OPCML: variants seen among roughly 807,000 people sequenced by gnomAD.
OPCML encodes opioid binding protein/cell adhesion molecule like.
OPCML carries 13 observed loss-of-function variants against 37.8 expected under a neutral mutation model. The observed-to-expected ratio is 0.34, with a 90% CI of 0.22 to 0.55. The LOEUF is 0.55. Ranked by LOEUF, OPCML falls within the 20% of genes least tolerant of loss-of-function variation. OPCML has a pLI of 0.91. For missense variants in OPCML, 341 were observed against 435.6 expected (o/e 0.78, Z 1.93); for synonymous variants, 176 against 168.8 (o/e 1.04, Z -0.33).
At chr11:133,083,702 C>T (rs1371811999) in intron 1 of OPCML, among the ~76,000 whole-genome samples, 6 of 152,202 alleles carry the variant, frequency 3.9e-5, no homozygotes, top group African/African-American at 1.4e-4. Context: ...CACGGCCTCG[C>T]CACTGGGGAG....
chr11:132,918,604 A>T (rs1228224121), intron 2 of OPCML, among the ~76,000 whole-genome samples: 1 of 152,164 alleles, frequency 6.6e-6, no homozygotes, highest in Non-Finnish European at 1.5e-5. Flanking sequence ...TGATATCTCC[A>T]ATAATTTTTT....
At chr11:132,491,813 A>C (rs2096216684) in intron 4 of OPCML, among the ~76,000 whole-genome samples, 1 of 152,178 alleles carries the variant, frequency 6.6e-6, no homozygotes, top group South Asian at 2.1e-4. Flanking sequence ...CAAATGAAGG[A>C]ATCATATGCT....
chr11:133,321,699 A>T (rs555428041), intron 1 of OPCML, among the ~76,000 whole-genome samples: 35 of 152,300 alleles, frequency 2.3e-4, no homozygotes, highest in African/African-American at 7.7e-4. Flanking sequence ...TTATTACTTC[A>T]TATTAATGCA....
intron 2 of OPCML, among the ~76,000 whole-genome samples, chr11:132,724,457 A>G (rs1944797333): frequency 6.6e-6 from 1 of 152,134 alleles, no homozygotes; most frequent in African/African-American, 2.4e-5. Context: ...CCATGATTCA[A>G]TTACCTCCCA....
intron 1 of OPCML, among the ~76,000 whole-genome samples, chr11:133,098,618 A>G (rs2137067230): frequency 6.6e-6 from 1 of 152,326 alleles, no homozygotes; most frequent in South Asian, 2.1e-4. Context: ...TACAAAATCC[A>G]ACACCCATTC....
At chr11:133,377,907 T>C (rs764708461) in intron 1 of OPCML, among the ~76,000 whole-genome samples, 1 of 152,328 alleles carries the variant, frequency 6.6e-6, no homozygotes, top group East Asian at 1.9e-4. Context: ...AGCACATTAC[T>C]TCATTGGAAT....
chr11:133,036,330 G>T (rs1010669498), intron 1 of OPCML, among the ~76,000 whole-genome samples: 2 of 152,180 alleles, frequency 1.3e-5, no homozygotes, highest in African/African-American at 4.8e-5. Flanking sequence ...TATGTGTCAG[G>T]CACTGCTCAG....
At chr11:133,090,609 A>G (rs533875462) in intron 1 of OPCML, among the ~76,000 whole-genome samples, 1 of 152,192 alleles carries the variant, frequency 6.6e-6, no homozygotes, top group South Asian at 2.1e-4. Context: ...TTCATATCCT[A>G]GTGCTCTGTG....
At chr11:132,699,183 C>T (rs1943713060) in intron 2 of OPCML, among the ~76,000 whole-genome samples, 1 of 151,850 alleles carries the variant, frequency 6.6e-6, no homozygotes, top group African/African-American at 2.4e-5. Flanking sequence ...GAAAATGCAA[C>T]TGATATTTGT....
At chr11:132,941,009 G>A (rs1419465739) in intron 2 of OPCML, among the ~76,000 whole-genome samples, 2 of 150,494 alleles carry the variant, frequency 1.3e-5, no homozygotes, top group African/African-American at 5.0e-5. Context: ...TGATACATGT[G>A]CTTACTTAAA....
chr11:132,588,966 C>A (rs946241409), intron 3 of OPCML, among the ~76,000 whole-genome samples: 1 of 152,172 alleles, frequency 6.6e-6, no homozygotes, highest in Non-Finnish European at 1.5e-5. Context: ...CAATGCAACA[C>A]TGAGAAATAA....
chr11:133,440,031 C>A (rs1591502396), intron 1 of OPCML, among the ~76,000 whole-genome samples: 1 of 152,080 alleles, frequency 6.6e-6, no homozygotes, highest in African/African-American at 2.4e-5. Flanking sequence ...AATGACTATT[C>A]CTGAGTAAAC....
chr11:133,429,345 G>A (rs975427697), intron 1 of OPCML, among the ~76,000 whole-genome samples: 2 of 152,158 alleles, frequency 1.3e-5, no homozygotes, highest in African/African-American at 4.8e-5. Flanking sequence ...TGGGACCAGA[G>A]ACAGACTGGG....
intron 1 of OPCML, among the ~76,000 whole-genome samples, chr11:133,105,385 G>A (rs754618076): frequency 6.6e-6 from 1 of 152,132 alleles, no homozygotes; most frequent in Non-Finnish European, 1.5e-5. Flanking sequence ...GATTTTCTAG[G>A]TTCAGGAAAT....
chr11:132,559,417 C>T (rs2096405545), intron 3 of OPCML, among the ~76,000 whole-genome samples: 1 of 152,122 alleles, frequency 6.6e-6, no homozygotes, highest in Admixed American at 6.5e-5. Context: ...TTATCAGAAG[C>T]TTTTAAGGAA....
chr11:132,571,505 A>G (rs551929101), intron 3 of OPCML, among the ~76,000 whole-genome samples: 5 of 152,216 alleles, frequency 3.3e-5, no homozygotes, highest in African/African-American at 1.2e-4. Flanking sequence ...GATATCTCAT[A>G]TAAGTGGGAT....
chr11:132,599,402 GAAGA>G (rs757307108), intron 3 of OPCML, among the ~76,000 whole-genome samples: 1 of 143,392 alleles, frequency 7.0e-6, no homozygotes, highest in African/African-American at 2.7e-5. Flanking sequence ...GAAGAAGGAG[GAAGA>G]AGGAGGAAGA....
At chr11:132,825,073 CATA>C (rs1346381801) in intron 2 of OPCML, among the ~76,000 whole-genome samples, 1 of 152,196 alleles carries the variant, frequency 6.6e-6, no homozygotes, top group African/African-American at 2.4e-5. Flanking sequence ...ATCATGATTT[CATA>C]ATATCTTTTA....
chr11:132,978,914 A>T (rs943331082), intron 1 of OPCML, among the ~76,000 whole-genome samples: 1 of 152,152 alleles, frequency 6.6e-6, no homozygotes, highest in African/African-American at 2.4e-5. Context: ...TTTAGTAGGC[A>T]TCTAAAATTG....
Sources: allele counts gnomAD v4.1 joint callset (sites outside exome capture counted in the v4.1 genomes callset), GRCh38; gene constraint gnomAD v4.1.1; transcripts MANE v1.5; gene names NCBI Gene and HGNC (gene_info 2026-07-23, HGNC 2026-07-21).